SGSM2: variants seen among roughly 807,000 people sequenced by gnomAD.
SGSM2 encodes the protein small G protein signaling modulator 2.
A neutral mutation model predicts 126.6 loss-of-function variants in SGSM2; 89 were observed. That is an observed-to-expected ratio of 0.70 (90% CI 0.59 to 0.84). SGSM2 has a LOEUF of 0.84. SGSM2 is among the 40% of genes least tolerant of loss of function. The pLI is 0.00. For synonymous variants in SGSM2, 614 were observed against 574.3 expected, an observed-to-expected ratio of 1.07 and a Z score of -0.99; for missense variants, 1,404 against 1,416.6, an observed-to-expected ratio of 0.99 and a Z score of 0.14.
In SGSM2 at chr17:2,372,618, C is replaced by A; in HGVS notation, c.1788+130C>A. On this transcript the variant is annotated intron_variant, in intron 15 of 23. Transcript: ENST00000268989. This position sits in a 1 kb window ranked among gnomAD's most constrained non-coding sequence, Gnocchi z 6.0. ...CCGATGCCACGGAGTGACCAGGGTC[C>A]CGGCAGAATCTCTTGCAGCTGGGCC... The A allele has an allele frequency of 7.7e-7, 1 of 1,301,154 alleles. No homozygotes were observed. The highest frequency in any genetic ancestry group is 1.1e-6 in the Non-Finnish European group (1 of 943,064). The allele number at this position is 1,301,154 out of a possible 1,614,324, so 80.6% of individuals were successfully genotyped here. A position where few individuals can be genotyped will look rare whatever the true frequency, so the allele number is the denominator to read the frequency against.
At chr17:2,360,669 G>A (rs1297044721) in intron 2 of SGSM2, among the ~76,000 whole-genome samples, 2 of 152,252 alleles carry the variant, frequency 1.3e-5, no homozygotes, top group Middle Eastern at 3.2e-3. Context: ...GCAAGTGACC[G>A]TGCCAAGCTC....
Position 2,367,157 on chromosome 17 carries a change from C to T in SGSM2, c.1289-114C>T. 8.2e-7 allele frequency: 1 copy of T among 1,217,514 alleles called. No individual in the cohort carries two copies. Among genetic ancestry groups the T allele is most frequent in the Non-Finnish European group, 1.1e-6 (1 of 887,510 alleles). The allele number at this position is 1,217,514 out of a possible 1,614,324, so 75.4% of individuals were successfully genotyped here. A position where few individuals can be genotyped will look rare whatever the true frequency, so the allele number is the denominator to read the frequency against. ...GTCCCCTCCCTTCCCCTCTTCTGTG[C>T]CCTGCAGATTCACGATGACCCCGGC... On this transcript the variant is annotated intron_variant, in intron 11 of 23. Coordinates refer to ENST00000268989, the MANE Select transcript of SGSM2 (RefSeq NM_014853.3). The surrounding 1 kb of genome is among the most constrained non-coding windows in gnomAD (Gnocchi z 4.0).
intron 2 of SGSM2, among the ~76,000 whole-genome samples, chr17:2,359,053 A>G (rs542939551): frequency 1.3e-5 from 2 of 151,632 alleles, no homozygotes; most frequent in African/African-American, 4.8e-5. Flanking sequence ...AATTTTTTGT[A>G]TTTTTAGTAG....
At position 2,380,814 on chromosome 17, in the gene SGSM2, ACCCAGCACAGCCTG is replaced by A. The variant is rs1233152132; in HGVS notation, c.*1301_*1314del. On this transcript the variant is annotated 3_prime_UTR_variant, in exon 24 of 24. Transcript: ENST00000268989. ...ACAAAGGGCCCCGCAGCCCTTCTGC[ACCCAGCACAGCCTG>A]CCCAGCCCAGCCCTGCCCCCGGGCA... 1 of 184,152 alleles carries A rather than the reference ACCCAGCACAGCCTG, an allele frequency of 5.4e-6. No individual in the cohort carries two copies. The highest frequency in any genetic ancestry group is 2.4e-5 in the African/African-American group (1 of 41,934). 11.4% of individuals were successfully genotyped at this position (184,152 alleles called of 1,614,324 possible).
intron 2 of SGSM2, among the ~76,000 whole-genome samples, chr17:2,357,473 G>C (rs1385360044): frequency 6.6e-6 from 1 of 152,132 alleles, no homozygotes; most frequent in Non-Finnish European, 1.5e-5. Flanking sequence ...CAGCAACCTG[G>C]ATGGGATTGG....
chr17:2,343,436 T>C, intron 1 of SGSM2, 109 bp from the exon 2 acceptor site: 1 of 1,011,302 alleles, frequency 9.9e-7, no homozygotes, highest in South Asian at 1.3e-5. Flanking sequence ...TCTGCAAGTG[T>C]CTGAAAGTGC....
chr17:2,370,311 G>A (rs1170401093), intron 12 of SGSM2, among the ~76,000 whole-genome samples: 1 of 152,234 alleles, frequency 6.6e-6, no homozygotes, highest in Non-Finnish European at 1.5e-5. Flanking sequence ...GGACCTGCCA[G>A]AGTCCCCCTT....
At chr17:2,376,343 C>T in intron 19 of SGSM2, 82 bp downstream of exon 19, 4 of 1,563,498 alleles carry the variant, frequency 2.6e-6, no homozygotes, top group Non-Finnish European at 3.5e-6. Context: ...GGAAGGTGCC[C>T]TGCTCCTCTC....
chr17:2,364,916 G>A lies in SGSM2; in HGVS notation c.1020G>A (p.Val340=). Residue 340 remains valine (V), a synonymous_variant, in exon 10 of 24, where the codon GTG becomes GTA. Transcript: ENST00000268989. ...CCCCAGAGAGCGGTGGCACGCTTGTGCTGGTGAGCCAGGATGGCATCCAGA... is the reference window on the plus strand; with the variant it reads ...CCCCAGAGAGCGGTGGCACGCTTGTACTGGTGAGCCAGGATGGCATCCAGA... ...CHQQKSGGTL[V]LVSQDGIQRP... 1 of 1,611,230 alleles carries A rather than the reference G, an allele frequency of 6.2e-7. No homozygotes were observed. The highest frequency in any genetic ancestry group is 1.7e-4 in the Middle Eastern group (1 of 5,970).
Position 2,337,798 on chromosome 17 carries a change from A to C in SGSM2, c.57+53A>C. 7.1e-7 allele frequency: 1 copy of C among 1,402,724 alleles called. No homozygotes were observed. Among genetic ancestry groups the C allele is most frequent in the Non-Finnish European group, 9.5e-7 (1 of 1,051,316 alleles). The allele number at this position is 1,402,724 out of a possible 1,614,324, so 86.9% of individuals were successfully genotyped here. On this transcript the variant is annotated intron_variant, in intron 1 of 23. Transcript: ENST00000268989. The surrounding 1 kb of genome is among the most constrained non-coding windows in gnomAD (Gnocchi z 5.1). ...GCTCGCGCCCTGGCCCGCGCGGCCCAGGGGGCAGAAAGGTCCGCGCCCACC... is the reference window on the plus strand; with the variant it reads ...GCTCGCGCCCTGGCCCGCGCGGCCCCGGGGGCAGAAAGGTCCGCGCCCACC...
rs558110892 is a variant in SGSM2 at position 2,372,867 on chromosome 17, A to T, written c.1789-86A>T. On this transcript the variant is annotated intron_variant, in intron 15 of 23. Coordinates refer to ENST00000268989, the MANE Select transcript of SGSM2 (RefSeq NM_014853.3). The surrounding 1 kb of genome is among the most constrained non-coding windows in gnomAD (Gnocchi z 6.0). ...CAGCAGTCACTACAGGCCCCGCCCC[A>T]GCCCATTCTCCGTGGGATGGGGCTC... 134 of 1,507,412 alleles carry T rather than the reference A, an allele frequency of 8.9e-5. 3 individuals carry two copies. The South Asian group carries it at 1.6e-3, about 18-fold the overall frequency. The allele number at this position is 1,507,412 out of a possible 1,614,324, so 93.4% of individuals were successfully genotyped here. A position where few individuals can be genotyped will look rare whatever the true frequency, so the allele number is the denominator to read the frequency against.
intron 12 of SGSM2, 132 bp from the exon 13 acceptor site, chr17:2,371,130 G>C: frequency 9.8e-7 from 1 of 1,021,078 alleles, no homozygotes; most frequent in Non-Finnish European, 1.4e-6. Flanking sequence ...GACCAGGCAG[G>C]CCCCACCTCT....
At position 2,337,726 on chromosome 17, in the gene SGSM2, T is replaced by C; in HGVS notation, c.38T>C (p.Leu13Pro). ...GAGGACGCAGTCAAAGAGAAACTGC[T>C]GTGGAACGTGAAGAAGGAGGTAAAG... ...SAEDAVKEKL[L>P]WNVKKEVKQI... Residue 13 changes from leucine to proline, a missense_variant, in exon 1 of 24, where the codon CTG (leucine) becomes CCG (proline). Physicochemically the swap from Leu to Pro is moderately conservative, Grantham distance 98. Transcript: ENST00000268989. This position sits in a 1 kb window ranked among gnomAD's most constrained non-coding sequence, Gnocchi z 5.1. 1.3e-6 allele frequency: 2 copies of C among 1,545,878 alleles called. No individual in the cohort carries two copies. The highest frequency in any genetic ancestry group is 1.7e-6 in the Non-Finnish European group (2 of 1,143,914).
chr17:2,345,977 A>T (rs2064582342), intron 2 of SGSM2, among the ~76,000 whole-genome samples: 1 of 151,938 alleles, frequency 6.6e-6, no homozygotes. Flanking sequence ...CTTGCGGGGG[A>T]CGGGGAGGGA....
Position 2,380,464 on chromosome 17 carries a change from C to T in SGSM2, c.*944C>T, listed in dbSNP as rs936829505. ...GACATCTGCCATGTCCCTGAGACTG[C>T]GGGAGGCAGGGGATGCATGGGTGTC... On this transcript the variant is annotated 3_prime_UTR_variant, in exon 24 of 24. Transcript: ENST00000268989. 13 of 707,750 alleles carry T rather than the reference C, an allele frequency of 1.8e-5. No individual in the cohort carries two copies. The highest frequency in any genetic ancestry group is 2.7e-5 in the East Asian group (1 of 36,804). The allele number at this position is 707,750 out of a possible 1,614,324, so 43.8% of individuals were successfully genotyped here.
intron 22 of SGSM2, 115 bp from the exon 23 acceptor site, chr17:2,378,921 C>CCAGCCT (rs368736242): frequency 6.5e-5 from 84 of 1,298,554 alleles, no homozygotes; most frequent in Admixed American, 4.6e-4. Context: ...AGCCCCAGCC[C>CCAGCCT]CAGCCTCAGC....
rs1172285301 is a variant in SGSM2, at chr17:2,378,775, G to C, written c.2900-261G>C. Among the ~76,000 whole-genome samples the C allele has an allele frequency of 2.0e-5, 3 of 152,188 alleles. No individual in the cohort carries two copies. The East Asian group carries it at 5.8e-4, about 29-fold the overall frequency. ...TTACCCAAGAAAAGGATGGGGCCTT[G>C]GTACGGGGTACAGAACCCCCATTCC... is the stretch of plus-strand genomic sequence containing the variant. On this transcript the variant is annotated intron_variant, in intron 22 of 23. Coordinates refer to ENST00000268989, the MANE Select transcript of SGSM2 (RefSeq NM_014853.3).
At chr17:2,375,240 A>C (rs2066072836) in intron 17 of SGSM2, 2 of 402,082 alleles carry the variant, frequency 5.0e-6, no homozygotes, top group Non-Finnish European at 8.9e-6. Flanking sequence ...CAGTAGCCAC[A>C]GGAAGACCTG....
At position 2,379,732 on chromosome 17, in the gene SGSM2, G is replaced by A. The variant is rs887093751; in HGVS notation, c.*212G>A. 3 of 1,402,710 alleles carry A rather than the reference G, an allele frequency of 2.1e-6. No individual in the cohort carries two copies. The highest frequency in any genetic ancestry group is 2.9e-5 in the African/African-American group (2 of 69,292). 86.9% of individuals were successfully genotyped at this position (1,402,710 alleles called of 1,614,324 possible). ...CTCGGATCAGGGCCGGGATGGGAGG[G>A]GTCAGCCTCAGGGAGCAGCTGCCTT... On this transcript the variant is annotated 3_prime_UTR_variant, in exon 24 of 24. Transcript: ENST00000268989.
Sources: gnomAD v4.1 joint callset for allele counts (sites outside exome capture counted in the v4.1 genomes callset) on GRCh38, gnomAD v4.1.1 for gene constraint, Gnocchi (gnomAD v3.1) non-coding constraint, MANE v1.5 for transcripts, NCBI Gene and HGNC (gene_info 2026-07-23, HGNC 2026-07-21) for gene names.